FRMD6: variants seen among roughly 807,000 people sequenced by gnomAD.
FRMD6 encodes FERM domain-containing protein 6.
FRMD6 carries 37 observed loss-of-function variants against 73.2 expected under a neutral mutation model. The ratio of observed to expected loss-of-function variants is 0.51; its 90% confidence interval spans 0.39 to 0.66. The LOEUF is 0.66. FRMD6 is among the 30% of genes least tolerant of loss of function. The pLI is 0.00. For missense variants in FRMD6, 714 were observed against 780.5 expected (o/e 0.91, Z 1.02); for synonymous variants, 273 against 282.2 (o/e 0.97, Z 0.33).
At chr14:51,460,615 G>A in the FRMD6 span, among the ~76,000 whole-genome samples, 7 of 152,138 alleles carry the variant, frequency 4.6e-5, no homozygotes, top group African/African-American at 1.7e-4. Flanking sequence ...TTTAAAGCTA[G>A]CAAAGGGTCT....
At chr14:51,492,902 C>T (rs1596489195) in intron 1 of FRMD6, among the ~76,000 whole-genome samples, 1 of 152,278 alleles carries the variant, frequency 6.6e-6, no homozygotes, top group Non-Finnish European at 1.5e-5. Flanking sequence ...AGTTGTTTCC[C>T]TTATTCCATG....
At chr14:51,547,472 GT>G (rs748488399) in intron 1 of FRMD6, among the ~76,000 whole-genome samples, 2 of 152,134 alleles carry the variant, frequency 1.3e-5, no homozygotes, top group Non-Finnish European at 2.9e-5. Flanking sequence ...GCCTTTTCTG[GT>G]TTATATTGTA....
intron 2 of FRMD6, among the ~76,000 whole-genome samples, chr14:51,610,622 T>G (rs951524544): frequency 8.0e-5 from 12 of 149,684 alleles, no homozygotes; most frequent in Non-Finnish European, 1.7e-4. Flanking sequence ...TCAAGTCTAA[T>G]GCCAGTTTCC....
the FRMD6 span, chr14:51,454,588 T>C: frequency 6.6e-6 from 1 of 152,256 alleles, no homozygotes; most frequent in South Asian, 2.1e-4. Context: ...CTTCCTGGTT[T>C]ATGAGATGTT....
intron 2 of FRMD6, among the ~76,000 whole-genome samples, chr14:51,694,310 A>G (rs957243460): frequency 1.3e-5 from 2 of 152,230 alleles, no homozygotes; most frequent in African/African-American, 2.4e-5. Flanking sequence ...AGATTAAGCA[A>G]TTCTTTTTTT....
intron 1 of FRMD6, among the ~76,000 whole-genome samples, chr14:51,685,514 A>G (rs1594730194): frequency 6.6e-6 from 1 of 152,234 alleles, no homozygotes; most frequent in African/African-American, 2.4e-5. Flanking sequence ...GTGTTGAATG[A>G]AAGAATGAAC....
intron 2 of FRMD6, among the ~76,000 whole-genome samples, chr14:51,690,736 A>G (rs1415645617): frequency 6.6e-6 from 1 of 152,174 alleles, no homozygotes; most frequent in African/African-American, 2.4e-5. Context: ...GCCAAAATCT[A>G]GCCAATTTCC....
chr14:51,718,512 C>T (rs1301945321), intron 10 of FRMD6, among the ~76,000 whole-genome samples: 1 of 152,234 alleles, frequency 6.6e-6, no homozygotes, highest in East Asian at 1.9e-4. Context: ...GGCCACATGG[C>T]TATTGCTGTG....
At chr14:51,501,657 T>G (rs1008928007) in intron 1 of FRMD6, among the ~76,000 whole-genome samples, 1 of 152,174 alleles carries the variant, frequency 6.6e-6, no homozygotes. Flanking sequence ...TTTGCTACTG[T>G]GAATAGTACC....
intron 1 of FRMD6, among the ~76,000 whole-genome samples, chr14:51,559,446 C>T (rs1028181917): frequency 2.6e-5 from 4 of 151,832 alleles, no homozygotes; most frequent in Non-Finnish European, 4.4e-5. Flanking sequence ...CAGAATCCTC[C>T]GGTGGTGATG....
the FRMD6 span, among the ~76,000 whole-genome samples, chr14:51,417,291 C>T: frequency 1.0e-3 from 153 of 152,164 alleles, no homozygotes; most frequent in Non-Finnish European, 1.7e-3. Context: ...TGGCTGGTAC[C>T]GGTTGTTCCT....
chr14:51,487,612 T>A (rs1566771292), upstream of FRMD6, among the ~76,000 whole-genome samples: 1 of 152,170 alleles, frequency 6.6e-6, no homozygotes, highest in Non-Finnish European at 1.5e-5. Flanking sequence ...TGGTGGGGAG[T>A]TATGCTTTGT....
At chr14:51,506,416 A>G (rs1465992589) in intron 1 of FRMD6, among the ~76,000 whole-genome samples, 6 of 152,250 alleles carry the variant, frequency 3.9e-5, no homozygotes, top group Non-Finnish European at 7.3e-5. Context: ...TGGCGAAAAG[A>G]GGCTCCAAGA....
chr14:51,602,881 A>T (rs534682419), intron 2 of FRMD6, among the ~76,000 whole-genome samples: 4 of 152,344 alleles, frequency 2.6e-5, no homozygotes, highest in South Asian at 4.1e-4. Context: ...CATGCTAACC[A>T]TGTGGTACTG....
chr14:51,591,789 C>G (rs1889414689), intron 2 of FRMD6, among the ~76,000 whole-genome samples: 1 of 152,218 alleles, frequency 6.6e-6, no homozygotes, highest in Non-Finnish European at 1.5e-5. Flanking sequence ...GATCCACCCT[C>G]CTTGGCCTCC....
At chr14:51,438,709 C>T in the FRMD6 span, among the ~76,000 whole-genome samples, 29 of 152,206 alleles carry the variant, frequency 1.9e-4, no homozygotes, top group Admixed American at 1.2e-3. Flanking sequence ...GCTCAATACT[C>T]AGTTCTCAGA....
chr14:51,474,892 A>G, the FRMD6 span, among the ~76,000 whole-genome samples: 1 of 152,192 alleles, frequency 6.6e-6, no homozygotes, highest in Admixed American at 6.5e-5. Flanking sequence ...TTTAGGTTCT[A>G]TTATCTGTTC....
At chr14:51,500,679 C>T (rs17124025) in intron 1 of FRMD6, among the ~76,000 whole-genome samples, 2,801 of 152,142 alleles carry the variant, frequency 0.018, 85 homozygotes, top group African/African-American at 0.064. Flanking sequence ...AATGTGTCTT[C>T]AGTTAACAGA....
At chr14:51,645,992 C>T (rs1892048636) in intron 2 of FRMD6, among the ~76,000 whole-genome samples, 1 of 152,028 alleles carries the variant, frequency 6.6e-6, no homozygotes, top group Non-Finnish European at 1.5e-5. Context: ...TGTTCCAGTT[C>T]AGTATGTCTT....
Sources: allele counts gnomAD v4.1 joint callset (sites outside exome capture counted in the v4.1 genomes callset), GRCh38; gene constraint gnomAD v4.1.1; transcripts MANE v1.5; gene names NCBI Gene and HGNC (gene_info 2026-07-23, HGNC 2026-07-21).